Variants in GRM5 observed in about 807,000 individuals in gnomAD.
GRM5 encodes the protein glutamate metabotropic receptor 5.
A neutral mutation model predicts 83.1 loss-of-function variants in GRM5; 19 were observed. The ratio of observed to expected loss-of-function variants is 0.23; its 90% CI spans 0.16 to 0.34. GRM5 has a LOEUF of 0.34. Ranked by LOEUF, GRM5 falls within the 10% of genes least tolerant of loss-of-function variation. The pLI is 1.00. For missense variants in GRM5, 1,160 were observed against 1,588.3 expected, an observed-to-expected ratio of 0.73 and a Z score of 4.58; for synonymous variants, 675 against 633.6, an observed-to-expected ratio of 1.07 and a Z score of -0.98.
intron 1 of GRM5, among the ~76,000 whole-genome samples, chr11:89,049,137 C>T (rs1941705145): frequency 6.6e-6 from 1 of 152,144 alleles, no homozygotes. Context: ...ATACATTTCA[C>T]AGTAATCAGT....
chr11:89,045,266 A>T (rs1941618540), intron 2 of GRM5, among the ~76,000 whole-genome samples: 1 of 152,130 alleles, frequency 6.6e-6, no homozygotes, highest in African/African-American at 2.4e-5. Flanking sequence ...TAAATTATGT[A>T]TTTAATATAG....
intron 2 of GRM5, among the ~76,000 whole-genome samples, chr11:88,954,801 T>G (rs1432059551): frequency 6.6e-6 from 1 of 152,190 alleles, no homozygotes; most frequent in Non-Finnish European, 1.5e-5. Context: ...TAAAGTAGGC[T>G]GCTTGCTGTT....
chr11:88,892,579 T>C (rs1459775163), intron 2 of GRM5, among the ~76,000 whole-genome samples: 2 of 152,064 alleles, frequency 1.3e-5, no homozygotes, highest in Non-Finnish European at 2.9e-5. Flanking sequence ...GGCTAAAGTT[T>C]ATTCTACAAA....
At chr11:88,980,814 C>T (rs1939496578) in intron 2 of GRM5, among the ~76,000 whole-genome samples, 1 of 152,020 alleles carries the variant, frequency 6.6e-6, no homozygotes, top group South Asian at 2.1e-4. Flanking sequence ...CACAGTGAGA[C>T]TCTGTCTCAA....
At chr11:88,740,826 C>T (rs1942013024) in intron 3 of GRM5, among the ~76,000 whole-genome samples, 2 of 152,008 alleles carry the variant, frequency 1.3e-5, no homozygotes, top group Admixed American at 6.6e-5. Flanking sequence ...TAGGATTAAG[C>T]AGAATTTGCT....
At chr11:88,733,819 C>T (rs1337511977) in intron 3 of GRM5, among the ~76,000 whole-genome samples, 1 of 151,884 alleles carries the variant, frequency 6.6e-6, no homozygotes, top group Non-Finnish European at 1.5e-5. Context: ...CATTAATAAA[C>T]TTTAGAGAAA....
In GRM5 at chr11:89,047,549, C is replaced by T. The variant is rs1180342215; in HGVS notation, c.324G>A (p.Gln108=). 3 of 1,614,052 alleles carry T rather than the reference C, an allele frequency of 1.9e-6. No homozygotes were observed. The highest frequency in any genetic ancestry group is 2.2e-5 in the East Asian group (1 of 44,888). The change falls in exon 2 of 10, where the codon CAG becomes CAA. Residue 108 remains glutamine, a synonymous_variant. Coordinates refer to ENST00000305447, the MANE Select transcript of GRM5 (RefSeq NM_001143831.3). The surrounding 1 kb of genome is among the most constrained non-coding windows in gnomAD (Gnocchi z 5.1). The stretch of plus-strand genomic sequence containing the variant: ...GGGAATCTCTTATGAACTCAATGCT[C>T]TGCTCTAGGGCCACAGCCGAATGCC... ...SCWHSAVALE[Q]SIEFIRDSLI...
chr11:89,053,305 G>A (rs1941798006), intron 1 of GRM5, among the ~76,000 whole-genome samples: 1 of 152,070 alleles, frequency 6.6e-6, no homozygotes, highest in African/African-American at 2.4e-5. Context: ...GCAGATATTA[G>A]CTATGAACTT....
chr11:88,557,724 C>CAA (rs1942659507), intron 8 of GRM5, among the ~76,000 whole-genome samples: 1 of 151,018 alleles, frequency 6.6e-6, no homozygotes, highest in Non-Finnish European at 1.5e-5. Context: ...ATGGTGTATT[C>CAA]CACGGTTTTC....
At chr11:89,021,072 AC>A (rs755458639) in intron 2 of GRM5, among the ~76,000 whole-genome samples, 3 of 152,204 alleles carry the variant, frequency 2.0e-5, no homozygotes. Context: ...AGTTATCTTT[AC>A]ACAACTTCAT....
intron 3 of GRM5, among the ~76,000 whole-genome samples, chr11:88,836,845 AAAAC>A (rs1297114149): frequency 2.6e-5 from 4 of 152,128 alleles, no homozygotes; most frequent in African/African-American, 7.2e-5. Context: ...AACAAACAAA[AAAAC>A]AAATCTAGAA....
chr11:88,912,509 C>A (rs922393701), intron 2 of GRM5, among the ~76,000 whole-genome samples: 2 of 114,990 alleles, frequency 1.7e-5, no homozygotes, highest in African/African-American at 6.9e-5. Flanking sequence ...TCATTATATA[C>A]TGTGTATGTA....
Position 88,802,824 on chromosome 11 carries a change from A to G in GRM5, c.911+47082T>C, listed in dbSNP as rs1163599556. On this transcript the variant is annotated intron_variant, in intron 3 of 9. Transcript: ENST00000305447. ...CCAAAATCTCCTTAAGCTGATAAGCAACTTCAGCAAATTCTCAGGATACAA... is the reference window on the plus strand; with the variant it reads ...CCAAAATCTCCTTAAGCTGATAAGCGACTTCAGCAAATTCTCAGGATACAA... Among the ~76,000 whole-genome samples, 6 of 151,734 alleles carry G rather than the reference A, an allele frequency of 4.0e-5. No individual in the cohort carries two copies. The East Asian group carries it at 1.2e-3, about 29-fold the overall frequency.
chr11:88,736,652 C>T (rs1399154988), intron 3 of GRM5, among the ~76,000 whole-genome samples: 2 of 152,044 alleles, frequency 1.3e-5, no homozygotes, highest in Non-Finnish European at 1.5e-5. Context: ...CATGGTGCCT[C>T]CAGCTGGTCT....
At chr11:88,755,997 A>G (rs970062048) in intron 3 of GRM5, among the ~76,000 whole-genome samples, 2 of 152,104 alleles carry the variant, frequency 1.3e-5, no homozygotes, top group African/African-American at 2.4e-5. Flanking sequence ...GTTGGGACTG[A>G]TTGTCCTCAC....
chr11:88,602,056 C>A (rs978159972), intron 5 of GRM5, among the ~76,000 whole-genome samples: 1 of 135,986 alleles, frequency 7.4e-6, no homozygotes, highest in Non-Finnish European at 1.6e-5. Flanking sequence ...ATTGTGAAAT[C>A]TTTAGAGCTC....
intron 2 of GRM5, among the ~76,000 whole-genome samples, chr11:88,855,405 ATGT>A (rs1285967482): frequency 1.3e-5 from 2 of 151,822 alleles, no homozygotes; most frequent in Non-Finnish European, 2.9e-5. Context: ...ACATTTTTCC[ATGT>A]TGTACAAATT....
At chr11:88,841,593 G>A (rs1195004704) in intron 3 of GRM5, among the ~76,000 whole-genome samples, 3 of 152,126 alleles carry the variant, frequency 2.0e-5, no homozygotes, top group Non-Finnish European at 2.9e-5. Context: ...GGCTTCATAC[G>A]TTTCCTTTTC....
intron 2 of GRM5, among the ~76,000 whole-genome samples, chr11:88,913,587 CTTTTT>C (rs5793358): frequency 6.9e-5 from 6 of 87,378 alleles, no homozygotes; most frequent in Admixed American, 1.3e-4. Context: ...CTCTCTCTCT[CTTTTT>C]TTTTTTTTTT....
Sources: allele counts gnomAD v4.1 joint callset (sites outside exome capture counted in the v4.1 genomes callset), GRCh38; gene constraint gnomAD v4.1.1; non-coding constraint Gnocchi (gnomAD v3.1); transcripts MANE v1.5; gene names NCBI Gene and HGNC (gene_info 2026-07-23, HGNC 2026-07-21).